CNTN5: variants seen among roughly 807,000 people sequenced by gnomAD.
CNTN5 encodes the protein contactin-5.
Under a neutral mutation model 129.1 loss-of-function variants are expected in CNTN5, and 77 were observed. The ratio of observed to expected loss-of-function variants is 0.60; its 90% CI spans 0.50 to 0.72. CNTN5 has a LOEUF of 0.72. Among genes scored for constraint, CNTN5 ranks in the 30% least tolerant of loss-of-function variants. CNTN5 has a pLI of 0.00. For synonymous variants in CNTN5, 509 were observed against 465.6 expected (o/e 1.09, Z -1.20); for missense variants, 1,478 against 1,328.8 (o/e 1.11, Z -1.75).
At chr11:99,911,048 G>A (rs1489103067) in intron 6 of CNTN5, among the ~76,000 whole-genome samples, 1 of 152,160 alleles carries the variant, frequency 6.6e-6, no homozygotes, top group Middle Eastern at 3.4e-3. Context: ...ATGTTGAGAA[G>A]CCAGCTCAGT....
At chr11:99,537,972 G>A (rs1341851107) in intron 2 of CNTN5, among the ~76,000 whole-genome samples, 1 of 152,114 alleles carries the variant, frequency 6.6e-6, no homozygotes, top group Admixed American at 6.6e-5. Flanking sequence ...GTGAAGTGTG[G>A]AACTGCCCTT....
chr11:99,205,092 A>G (rs1195347575), intron 1 of CNTN5, among the ~76,000 whole-genome samples: 1 of 152,142 alleles, frequency 6.6e-6, no homozygotes, highest in Non-Finnish European at 1.5e-5. Flanking sequence ...TATAATCAGA[A>G]TTTGAAGTGT....
At chr11:100,258,997 T>G (rs911689503) in intron 17 of CNTN5, among the ~76,000 whole-genome samples, 1 of 152,080 alleles carries the variant, frequency 6.6e-6, no homozygotes, top group East Asian at 1.9e-4. Context: ...AGACACAGAC[T>G]GGCAAATTGG....
At chr11:99,693,139 T>C (rs539889095) in intron 3 of CNTN5, among the ~76,000 whole-genome samples, 1 of 152,290 alleles carries the variant, frequency 6.6e-6, no homozygotes, top group East Asian at 1.9e-4. Flanking sequence ...TTCTAGCTAT[T>C]TTTGAAAGTA....
At chr11:99,251,972 G>A (rs552665392) in intron 1 of CNTN5, among the ~76,000 whole-genome samples, 3 of 151,906 alleles carry the variant, frequency 2.0e-5, no homozygotes, top group Non-Finnish European at 2.9e-5. Context: ...ACTTCTATAT[G>A]TAACTTTGAT....
chr11:100,188,827 C>T (rs1470920586), intron 13 of CNTN5, among the ~76,000 whole-genome samples: 1 of 152,152 alleles, frequency 6.6e-6, no homozygotes, highest in Admixed American at 6.5e-5. Flanking sequence ...TCGACTCAAC[C>T]TATGTGCCCA....
chr11:99,097,653 C>A (rs1273526158), intron 1 of CNTN5, among the ~76,000 whole-genome samples: 1 of 151,748 alleles, frequency 6.6e-6, no homozygotes, highest in Non-Finnish European at 1.5e-5. Flanking sequence ...TCACCAAAAC[C>A]TTTATATCTA....
chr11:100,245,122 A>C (rs1170409576), intron 16 of CNTN5, among the ~76,000 whole-genome samples: 1 of 152,128 alleles, frequency 6.6e-6, no homozygotes, highest in African/African-American at 2.4e-5. Flanking sequence ...TGTTTGATTA[A>C]TCTAGTGGCT....
At chr11:99,241,821 A>T (rs1022195010) in intron 1 of CNTN5, among the ~76,000 whole-genome samples, 1 of 152,136 alleles carries the variant, frequency 6.6e-6, no homozygotes, top group Non-Finnish European at 1.5e-5. Context: ...TAAACTTTGC[A>T]TTCTGGTGTT....
chr11:99,485,951 G>A (rs12801242), intron 2 of CNTN5, among the ~76,000 whole-genome samples: 38,994 of 151,846 alleles, frequency 0.26, 5,310 homozygotes, highest in Non-Finnish European at 0.31. Flanking sequence ...TACAAAAATT[G>A]TTTTGTCTCT....
chr11:100,035,931 G>A (rs1177627296), intron 9 of CNTN5, among the ~76,000 whole-genome samples: 2 of 152,182 alleles, frequency 1.3e-5, no homozygotes, highest in East Asian at 1.9e-4. Context: ...TGTTCACTCT[G>A]ATGGTAGTTT....
At chr11:99,707,357 A>T (rs1040358740) in intron 3 of CNTN5, among the ~76,000 whole-genome samples, 4 of 151,596 alleles carry the variant, frequency 2.6e-5, no homozygotes, top group African/African-American at 9.7e-5. Context: ...TAACCTAAAA[A>T]AATAATAATT....
chr11:99,994,381 C>G (rs557297518), intron 8 of CNTN5, among the ~76,000 whole-genome samples: 4 of 152,148 alleles, frequency 2.6e-5, no homozygotes, highest in Admixed American at 2.6e-4. Context: ...GTGGGTTCTA[C>G]AAATAGTATT....
intron 1 of CNTN5, among the ~76,000 whole-genome samples, chr11:99,057,618 G>A (rs1049441977): frequency 6.6e-5 from 10 of 151,454 alleles, no homozygotes; most frequent in African/African-American, 1.9e-4. Context: ...CTTTTTTTTA[G>A]ATTCAATAAA....
At chr11:99,201,548 A>AG (rs1859210344) in intron 1 of CNTN5, among the ~76,000 whole-genome samples, 1 of 152,026 alleles carries the variant, frequency 6.6e-6, no homozygotes, top group Admixed American at 6.6e-5. Flanking sequence ...CCTGGAAAAA[A>AG]AGATTGAAGG....
rs138419267 is a variant in CNTN5 at position 99,512,264 on chromosome 11, C to G, written c.-70-43881C>G. ...CATGCGTAAGGTTACTAACCATTGT[C>G]TTCCAATTGCCTATAGTGTGCAGCA... On this transcript the variant is annotated intron_variant, in intron 2 of 24. Transcript: ENST00000524871. 4.1e-4 allele frequency among the ~76,000 whole-genome samples: 62 copies of G among 152,278 alleles called. 1 individual carries two copies. The East Asian group carries it at 0.012, about 28-fold the overall frequency.
At chr11:99,696,859 C>T (rs1954292656) in intron 3 of CNTN5, among the ~76,000 whole-genome samples, 1 of 151,900 alleles carries the variant, frequency 6.6e-6, no homozygotes, top group South Asian at 2.1e-4. Flanking sequence ...AAGACCCAGG[C>T]TGGTTCCAAG....
chr11:99,166,664 T>C (rs968627849), intron 1 of CNTN5, among the ~76,000 whole-genome samples: 3 of 152,056 alleles, frequency 2.0e-5, no homozygotes, highest in Non-Finnish European at 4.4e-5. Flanking sequence ...TGTCATAACA[T>C]ATTAAAACTT....
At chr11:99,759,560 G>T (rs1205295585) in intron 3 of CNTN5, among the ~76,000 whole-genome samples, 3 of 151,924 alleles carry the variant, frequency 2.0e-5, no homozygotes, top group Non-Finnish European at 4.4e-5. Context: ...CTTGAGATAT[G>T]ACCCCAAGAA....
Sources: allele counts gnomAD v4.1 joint callset (sites outside exome capture counted in the v4.1 genomes callset), GRCh38; gene constraint gnomAD v4.1.1; transcripts MANE v1.5; gene names NCBI Gene and HGNC (gene_info 2026-07-23, HGNC 2026-07-21).